The following ELAVL1 variants were observed in gnomAD, a reference collection of about 807,000 sequenced individuals.
ELAVL1 encodes the protein ELAV-like protein 1.
In ELAVL1, 1 loss-of-function variant was observed where a neutral mutation model predicts 28.4. The ratio of observed to expected loss-of-function variants is 0.04; its 90% CI spans 0.01 to 0.17. The LOEUF (loss-of-function observed/expected upper bound fraction) is 0.17. Ranked by LOEUF, ELAVL1 falls within the 10% of genes least tolerant of loss-of-function variation. The pLI is 1.00. For missense variants in ELAVL1, 157 were observed against 447.2 expected, an observed-to-expected ratio of 0.35 and a Z score of 5.85; for synonymous variants, 174 against 183.5, an observed-to-expected ratio of 0.95 and a Z score of 0.42.
chr19:7,981,002 G>A lies in ELAVL1; in HGVS notation c.276+81C>T, dbSNP rs577741149. The stretch of plus-strand genomic sequence containing the variant: ...GGCTGTGCTCATAGTCCCTTGGAGA[G>A]TGACTGTGAGGCTGGGCGGGGCTCA... On this transcript the variant is annotated intron_variant, in intron 3 of 5. Transcript: ENST00000407627. The surrounding 1 kb of genome is among the most constrained non-coding windows in gnomAD (Gnocchi z 4.2). The A allele has an allele frequency of 7.1e-7, 1 of 1,408,708 alleles. No individual in the cohort carries two copies. Among genetic ancestry groups the A allele is most frequent in the Admixed American group, 1.7e-5 (1 of 59,296 alleles). 87.3% of individuals were successfully genotyped at this position (1,408,708 alleles called of 1,614,324 possible).
intron 3 of ELAVL1, among the ~76,000 whole-genome samples, chr19:7,978,378 G>A (rs372090198): frequency 6.6e-6 from 1 of 152,148 alleles, no homozygotes; most frequent in African/African-American, 2.4e-5. Flanking sequence ...GACCTCCAGG[G>A]TGGGGGAGGG....
rs1984734643 is a variant in ELAVL1, at chr19:7,959,102, A to C, written c.*4381T>G. 6.5e-6 allele frequency: 1 copy of C among 153,128 alleles called. No homozygotes were observed. Among genetic ancestry groups the C allele is most frequent in the Non-Finnish European group, 1.5e-5 (1 of 67,980 alleles). The allele number at this position is 153,128 out of a possible 1,614,324, so 9.5% of individuals were successfully genotyped here. ...GCAATGGGCTGATGGAAAACTGATA[A>C]GGGCTTTTCTTTTTTTTTTTCTGAA... On this transcript the variant is annotated 3_prime_UTR_variant, in exon 6 of 6. Transcript: ENST00000407627.
At chr19:7,989,950 A>G (rs1009916439) in intron 2 of ELAVL1, among the ~76,000 whole-genome samples, 1 of 152,196 alleles carries the variant, frequency 6.6e-6, no homozygotes, top group Non-Finnish European at 1.5e-5. Flanking sequence ...ATAAAGTGCA[A>G]TGATGGGTAC....
chr19:7,972,799 CCT>C (rs1985154443), intron 4 of ELAVL1: 1 of 76,428 alleles, frequency 1.3e-5, no homozygotes, highest in African/African-American at 4.8e-5. Flanking sequence ...GCTGCAGTAT[CCT>C]TTTTTTTTTT....
intron 4 of ELAVL1, chr19:7,973,446 G>A: frequency 2.1e-6 from 1 of 475,060 alleles, no homozygotes. Flanking sequence ...TGGTCAGGCT[G>A]GTCTCCATCT....
Position 7,987,000 on chromosome 19 carries a change from G to A in ELAVL1, c.172+4644C>T, listed in dbSNP as rs911034389. Among the ~76,000 whole-genome samples the A allele has an allele frequency of 4.0e-5, 6 of 151,464 alleles. No individual in the cohort carries two copies. In the East Asian group the frequency reaches 1.2e-3, roughly 30 times the overall value. ...TTTTTTTTCTGTGAGGAGCAAACAT[G>A]ACTCATATTAAGAAAAAAGCCATCA... is the stretch of plus-strand genomic sequence containing the variant. On this transcript the variant is annotated intron_variant, in intron 2 of 5. Coordinates refer to ENST00000407627, the MANE Select transcript of ELAVL1 (RefSeq NM_001419.3).
At chr19:7,977,977 TCTC>T (rs1463881935) in intron 3 of ELAVL1, among the ~76,000 whole-genome samples, 1 of 152,176 alleles carries the variant, frequency 6.6e-6, no homozygotes, top group East Asian at 1.9e-4. Flanking sequence ...GCTAACTCCC[TCTC>T]CTCCTCCAGA....
intron 1 of ELAVL1, among the ~76,000 whole-genome samples, chr19:8,002,555 T>C (rs2081071803): frequency 6.6e-6 from 1 of 152,220 alleles, no homozygotes; most frequent in Non-Finnish European, 1.5e-5. Flanking sequence ...GCCTCGCTAC[T>C]GCCACCTAGG....
At position 7,973,764 on chromosome 19, in the gene ELAVL1, G is replaced by A. The variant is rs1156860701; in HGVS notation, c.391C>T (p.Arg131Trp). Residue 131 changes from arginine to tryptophan, a missense_variant, in exon 4 of 6, where the codon CGG (arginine) becomes TGG (tryptophan). Arg to Trp is a moderately radical substitution (Grantham distance 101). Transcript: ENST00000407627. ...DVEDMFSRFG[R>W]IINSRVLVDQ... is the part of the protein sequence containing the mutation. ...ACGAGGACCCGCGAGTTGATGATCC[G>A]CCCAAACCGAGAGAACATGTCTTCT... 4 of 1,613,930 alleles carry A rather than the reference G, an allele frequency of 2.5e-6. No individual in the cohort carries two copies. The highest frequency in any genetic ancestry group is 3.4e-6 in the Non-Finnish European group (4 of 1,180,006).
Position 7,959,387 on chromosome 19 carries a change from C to T in ELAVL1, c.*4096G>A, listed in dbSNP as rs1028510752. The T allele has an allele frequency of 9.2e-5, 14 of 152,678 alleles. No homozygotes were observed. Among genetic ancestry groups the T allele is most frequent in the African/African-American group, 3.4e-4 (14 of 41,540 alleles). The allele number at this position is 152,678 out of a possible 1,614,324, so 9.5% of individuals were successfully genotyped here. ...AATCGGTTAAGAGAGCCTCCCCTCC[C>T]CCAAAGCAAGTCACTGTAAACGGAA... On this transcript the variant is annotated 3_prime_UTR_variant, in exon 6 of 6. Transcript: ENST00000407627.
intron 5 of ELAVL1, among the ~76,000 whole-genome samples, chr19:7,966,855 G>C (rs1247726851): frequency 6.6e-6 from 1 of 152,058 alleles, no homozygotes; most frequent in Non-Finnish European, 1.5e-5. Context: ...GGGGCTTCAA[G>C]TAATCCTCCT....
chr19:7,963,390 A>G lies in ELAVL1; in HGVS notation c.*93T>C. 6.9e-7 allele frequency: 1 copy of G among 1,443,492 alleles called. No homozygotes were observed. Among genetic ancestry groups the G allele is most frequent in the Non-Finnish European group, 9.3e-7 (1 of 1,070,802 alleles). The allele number at this position is 1,443,492 out of a possible 1,614,324, so 89.4% of individuals were successfully genotyped here. Reference sequence around the variant, plus strand: ...TTCAGACAAAGACAAACACTTGTGAAAATTGGCGCAAAATGAGTTGTACAC... The same window carrying G: ...TTCAGACAAAGACAAACACTTGTGAGAATTGGCGCAAAATGAGTTGTACAC... On this transcript the variant is annotated 3_prime_UTR_variant, in exon 6 of 6. Coordinates refer to ENST00000407627, the MANE Select transcript of ELAVL1 (RefSeq NM_001419.3). The surrounding 1 kb of genome is among the most constrained non-coding windows in gnomAD (Gnocchi z 4.5).
Position 7,963,896 on chromosome 19 carries a change from C to A in ELAVL1, c.657-89G>T, listed in dbSNP as rs989266980. Reference sequence around the variant, plus strand: ...CCTGGACGCATGCTGACCATGGCCGCTGGGCCCCATCCCGCTCTGCGCAGC... The same window carrying A: ...CCTGGACGCATGCTGACCATGGCCGATGGGCCCCATCCCGCTCTGCGCAGC... On this transcript the variant is annotated intron_variant, in intron 5 of 5. Transcript: ENST00000407627. This position sits in a 1 kb window ranked among gnomAD's most constrained non-coding sequence, Gnocchi z 4.5. 6.3e-6 allele frequency: 9 copies of A among 1,429,296 alleles called. No homozygotes were observed. The Admixed American group carries it at 1.3e-4, about 21-fold the overall frequency. 88.5% of individuals were successfully genotyped at this position (1,429,296 alleles called of 1,614,324 possible). A position where few individuals can be genotyped will look rare whatever the true frequency, so the allele number is the denominator to read the frequency against.
At chr19:7,990,937 A>G (rs994338333) in intron 2 of ELAVL1, among the ~76,000 whole-genome samples, 4 of 152,180 alleles carry the variant, frequency 2.6e-5, no homozygotes, top group Non-Finnish European at 4.4e-5. Flanking sequence ...GAAGGCCTTC[A>G]CAAGTGCCAG....
intron 1 of ELAVL1, among the ~76,000 whole-genome samples, chr19:8,001,895 T>C (rs748630353): frequency 3.3e-5 from 5 of 152,242 alleles, no homozygotes; most frequent in Non-Finnish European, 5.9e-5. Context: ...ATACAAAATA[T>C]AGAAGCAGTC....
chr19:7,963,909 C>T lies in ELAVL1; in HGVS notation c.657-102G>A. ...TGACCATGGCCGCTGGGCCCCATCCCGCTCTGCGCAGCCACGAGGTGCTCA... is the reference window on the plus strand; with the variant it reads ...TGACCATGGCCGCTGGGCCCCATCCTGCTCTGCGCAGCCACGAGGTGCTCA... On this transcript the variant is annotated intron_variant, in intron 5 of 5. Coordinates refer to ENST00000407627, the MANE Select transcript of ELAVL1 (RefSeq NM_001419.3). The surrounding 1 kb of genome is among the most constrained non-coding windows in gnomAD (Gnocchi z 4.5). 7 of 1,331,092 alleles carry T rather than the reference C, an allele frequency of 5.3e-6. No individual in the cohort carries two copies. The highest frequency in any genetic ancestry group is 6.1e-6 in the Non-Finnish European group (6 of 985,884). The allele number at this position is 1,331,092 out of a possible 1,614,324, so 82.5% of individuals were successfully genotyped here.
At chr19:7,986,938 TTTTG>T (rs372538990) in intron 2 of ELAVL1, among the ~76,000 whole-genome samples, 5 of 152,014 alleles carry the variant, frequency 3.3e-5, no homozygotes, top group Non-Finnish European at 5.9e-5. Context: ...GTGGGTGATT[TTTTG>T]TTTGTTTGTT....
At chr19:7,984,366 A>T (rs1299794925) in intron 2 of ELAVL1, among the ~76,000 whole-genome samples, 1 of 152,156 alleles carries the variant, frequency 6.6e-6, no homozygotes, top group African/African-American at 2.4e-5. Context: ...CGCAGAGGAG[A>T]TATTTTAAAC....
chr19:8,005,110 T>C (rs1229489541), intron 1 of ELAVL1, among the ~76,000 whole-genome samples: 1 of 152,064 alleles, frequency 6.6e-6, no homozygotes, highest in African/African-American at 2.4e-5. Flanking sequence ...AGCAAGCCCG[T>C]GGGCCGTGAC....
Sources: gnomAD v4.1 joint callset for allele counts (sites outside exome capture counted in the v4.1 genomes callset) on GRCh38, gnomAD v4.1.1 for gene constraint, Gnocchi (gnomAD v3.1) non-coding constraint, MANE v1.5 for transcripts, NCBI Gene and HGNC (gene_info 2026-07-23, HGNC 2026-07-21) for gene names.